The following ZC3H12B variants were observed in gnomAD, a reference collection of about 807,000 sequenced individuals.
ZC3H12B encodes zinc finger CCCH-type containing 12B.
A neutral mutation model predicts 43.9 loss-of-function variants in ZC3H12B; 7 were observed. That is an observed-to-expected ratio of 0.16 (90% CI 0.09 to 0.30). The LOEUF is 0.30. Among genes scored for constraint, ZC3H12B ranks in the 10% least tolerant of loss-of-function variants. The pLI is 1.00. For missense variants in ZC3H12B, 475 were observed against 670.2 expected, an observed-to-expected ratio of 0.71 and a Z score of 3.22; for synonymous variants, 222 against 241.7, an observed-to-expected ratio of 0.92 and a Z score of 0.76.
the ZC3H12B span, among the ~76,000 whole-genome samples, chrX:65,173,787 G>A: frequency 1.8e-5 from 2 of 111,500 alleles, no homozygotes; most frequent in African/African-American, 6.5e-5. Flanking sequence ...TGATTGTGGT[G>A]GATAAGCTTT....
chrX:65,065,782 C>A, the ZC3H12B span, among the ~76,000 whole-genome samples: 1 of 110,215 alleles, frequency 9.1e-6, no homozygotes, highest in African/African-American at 3.3e-5. Flanking sequence ...GTACACCAAT[C>A]AATCATAGAT....
At chrX:65,333,747 C>T in the ZC3H12B span, among the ~76,000 whole-genome samples, 1 of 111,634 alleles carries the variant, frequency 9.0e-6, no homozygotes, top group African/African-American at 3.2e-5. Context: ...TATGAAACAA[C>T]CTTCTAAAGA....
At chrX:65,212,220 AT>A in the ZC3H12B span, among the ~76,000 whole-genome samples, 163 of 48,073 alleles carry the variant, frequency 3.4e-3, 1 homozygote, top group African/African-American at 0.013. Context: ...AATATATTAT[AT>A]ATTATATTAT....
the ZC3H12B span, among the ~76,000 whole-genome samples, chrX:65,126,013 A>G: frequency 2.9e-5 from 3 of 103,046 alleles, no homozygotes; most frequent in Non-Finnish European, 3.9e-5. Context: ...TAATTGTGCT[A>G]TTTGTTGCCT....
At chrX:65,246,878 A>G in the ZC3H12B span, among the ~76,000 whole-genome samples, 2 of 112,715 alleles carry the variant, frequency 1.8e-5, no homozygotes, top group Non-Finnish European at 3.7e-5. Flanking sequence ...ACAAAAAGCA[A>G]TTGCAACAAA....
chrX:65,042,749 G>GA, the ZC3H12B span, among the ~76,000 whole-genome samples: 1 of 111,493 alleles, frequency 9.0e-6, no homozygotes, highest in Non-Finnish European at 1.9e-5. Flanking sequence ...CTAGCTTAAA[G>GA]AAAAAAAGAG....
the ZC3H12B span, among the ~76,000 whole-genome samples, chrX:65,146,503 C>T: frequency 1.8e-5 from 2 of 111,290 alleles, no homozygotes; most frequent in Non-Finnish European, 3.8e-5. Flanking sequence ...TGCTGATGAG[C>T]TAGTGTGATT....
At chrX:65,388,829 G>A (rs1182676592) in intron 2 of ZC3H12B, among the ~76,000 whole-genome samples, 1 of 111,769 alleles carries the variant, frequency 8.9e-6, no homozygotes, top group Non-Finnish European at 1.9e-5. Context: ...TGGTGTGGAT[G>A]TCCTTTCTGT....
At chrX:65,477,971 C>T (rs894911123) in intron 3 of ZC3H12B, among the ~76,000 whole-genome samples, 1 of 109,580 alleles carries the variant, frequency 9.1e-6, no homozygotes, top group African/African-American at 3.3e-5. Context: ...AAGTTTGATG[C>T]TTCTTTCTAT....
the ZC3H12B span, among the ~76,000 whole-genome samples, chrX:65,249,265 T>G: frequency 7.1e-5 from 8 of 112,140 alleles, no homozygotes; most frequent in East Asian, 8.3e-4. Context: ...AGGTGAGAGA[T>G]GAGGATCCAG....
At chrX:65,088,100 G>T in the ZC3H12B span, among the ~76,000 whole-genome samples, 23 of 111,640 alleles carry the variant, frequency 2.1e-4, no homozygotes, top group African/African-American at 7.5e-4. Flanking sequence ...TATATCGTTG[G>T]GATGGTGACG....
the ZC3H12B span, among the ~76,000 whole-genome samples, chrX:65,336,847 C>T: frequency 6.8e-4 from 77 of 112,438 alleles, no homozygotes; most frequent in African/African-American, 2.4e-3. Context: ...GCTCCCATGT[C>T]CCATGACCCT....
chrX:65,274,998 G>T, the ZC3H12B span, among the ~76,000 whole-genome samples: 1 of 112,118 alleles, frequency 8.9e-6, no homozygotes, highest in Non-Finnish European at 1.9e-5. Context: ...GCCAGCAGCA[G>T]TGTATCCATA....
At chrX:65,359,504 G>T in the ZC3H12B span, among the ~76,000 whole-genome samples, 4 of 111,826 alleles carry the variant, frequency 3.6e-5, no homozygotes, top group Non-Finnish European at 5.6e-5. Context: ...GGAATAAGTT[G>T]ATTCCAACCC....
At chrX:65,171,514 G>C in the ZC3H12B span, among the ~76,000 whole-genome samples, 1 of 111,298 alleles carries the variant, frequency 9.0e-6, no homozygotes, top group Non-Finnish European at 1.9e-5. Context: ...GAGGCAGTCT[G>C]ACCATTCTCA....
intron 3 of ZC3H12B, among the ~76,000 whole-genome samples, chrX:65,454,707 G>A (rs773502361): frequency 6.1e-4 from 68 of 111,838 alleles, no homozygotes; most frequent in African/African-American, 2.2e-3. Flanking sequence ...CCCCCAAGTA[G>A]CCTAACTGGG....
the ZC3H12B span, among the ~76,000 whole-genome samples, chrX:65,106,109 A>G: frequency 2.7e-5 from 3 of 111,683 alleles, no homozygotes; most frequent in Admixed American, 1.9e-4. Context: ...GATGTAAGCA[A>G]TGGTCCTTGA....
chrX:65,190,106 G>T, the ZC3H12B span, among the ~76,000 whole-genome samples: 1 of 110,997 alleles, frequency 9.0e-6, no homozygotes, highest in Non-Finnish European at 1.9e-5. Context: ...TCAGATAGTT[G>T]TGGGTATGCG....
At chrX:65,246,002 A>G in the ZC3H12B span, among the ~76,000 whole-genome samples, 1 of 112,056 alleles carries the variant, frequency 8.9e-6, no homozygotes, top group African/African-American at 3.2e-5. Context: ...ATGATTCTAT[A>G]TTTAGAAAAC....
Sources: allele counts gnomAD v4.1 joint callset (sites outside exome capture counted in the v4.1 genomes callset), GRCh38; gene constraint gnomAD v4.1.1; transcripts MANE v1.5; gene names NCBI Gene and HGNC (gene_info 2026-07-23, HGNC 2026-07-21).